Variants in RYR2 observed in about 807,000 individuals in gnomAD.
RYR2 encodes the protein ryanodine receptor 2.
RYR2 carries 227 observed loss-of-function variants against 601.1 expected under a neutral mutation model. The observed-to-expected ratio is 0.38, with a 90% confidence interval of 0.34 to 0.42. The LOEUF is 0.42. Ranked by LOEUF, RYR2 falls within the 10% of genes least tolerant of loss-of-function variation. RYR2 has a pLI of 1.00. For missense variants in RYR2, 4,646 were observed against 6,156.5 expected (o/e 0.75, Z 8.21); for synonymous variants, 2,223 against 2,175.1 (o/e 1.02, Z -0.61).
chr1:237,776,296 A>G (rs958105093), intron 87 of RYR2, among the ~76,000 whole-genome samples: 3 of 152,168 alleles, frequency 2.0e-5, no homozygotes, highest in African/African-American at 7.2e-5. Flanking sequence ...GAAGGAAACT[A>G]TAAAGCTACT....
intron 2 of RYR2, among the ~76,000 whole-genome samples, chr1:237,308,953 A>G (rs1046974074): frequency 2.0e-5 from 3 of 152,226 alleles, no homozygotes; most frequent in Admixed American, 6.5e-5. Context: ...AGAATCCCTG[A>G]GTTAGACACA....
intron 1 of RYR2, among the ~76,000 whole-genome samples, chr1:237,126,733 T>C (rs1049895043): frequency 1.3e-5 from 2 of 152,212 alleles, no homozygotes; most frequent in African/African-American, 4.8e-5. Context: ...AACATGTACC[T>C]GTGTAAAGAC....
At chr1:237,089,466 T>C (rs916689296) in intron 1 of RYR2, among the ~76,000 whole-genome samples, 5 of 152,210 alleles carry the variant, frequency 3.3e-5, no homozygotes, top group African/African-American at 1.2e-4. Context: ...TAAGAAATAG[T>C]GAGTCAGTAA....
At chr1:237,791,348 G>A in intron 92 of RYR2, 81 bp from the exon 93 acceptor site, 1 of 763,854 alleles carries the variant, frequency 1.3e-6, no homozygotes, top group Non-Finnish European at 2.3e-6. Flanking sequence ...TGGGGTAAAT[G>A]AATGAATGCT....
intron 11 of RYR2, among the ~76,000 whole-genome samples, chr1:237,420,421 G>A (rs750353184): frequency 6.6e-5 from 10 of 152,058 alleles, no homozygotes; most frequent in African/African-American, 2.4e-4. Context: ...TCGATAATAC[G>A]TAGGGCACAG....
At chr1:237,381,692 A>T (rs1701534093) in intron 8 of RYR2, among the ~76,000 whole-genome samples, 1 of 152,160 alleles carries the variant, frequency 6.6e-6, no homozygotes, top group Admixed American at 6.6e-5. Flanking sequence ...TGCCTTGTGG[A>T]CAGAAGAGGA....
Position 237,614,920 on chromosome 1 carries a change from C to T in RYR2, c.5715+77C>T, listed in dbSNP as rs1031407085. On this transcript the variant is annotated intron_variant, in intron 37 of 104. Coordinates refer to ENST00000366574, the MANE Select transcript of RYR2 (RefSeq NM_001035.3). This position sits in a 1 kb window ranked among gnomAD's most constrained non-coding sequence, Gnocchi z 4.3. The stretch of plus-strand genomic sequence containing the variant: ...TATTAGAACATGCCTTTGTTTCTTT[C>T]TCTGTGTGTGTGTTTATTTCTTTGC... 2.9e-6 allele frequency: 4 copies of T among 1,375,898 alleles called. No homozygotes were observed. Among genetic ancestry groups the T allele is most frequent in the Non-Finnish European group, 3.9e-6 (4 of 1,022,542 alleles). 85.2% of individuals were successfully genotyped at this position (1,375,898 alleles called of 1,614,324 possible).
At chr1:237,749,885 G>C (rs1474443740) in intron 80 of RYR2, among the ~76,000 whole-genome samples, 1 of 152,052 alleles carries the variant, frequency 6.6e-6, no homozygotes. Flanking sequence ...GTGTATCGTG[G>C]CTGTAATCCC....
chr1:237,443,696 T>A (rs1708103138), intron 13 of RYR2, among the ~76,000 whole-genome samples: 1 of 152,226 alleles, frequency 6.6e-6, no homozygotes, highest in Non-Finnish European at 1.5e-5. Flanking sequence ...AATCTTTGTG[T>A]TTATTAATTT....
chr1:237,232,681 CAGTGAGAAGTAG>C (rs1558468440), intron 1 of RYR2, among the ~76,000 whole-genome samples: 1 of 152,032 alleles, frequency 6.6e-6, no homozygotes, highest in Non-Finnish European at 1.5e-5. Flanking sequence ...GACTGGTTAC[CAGTGAGAAGTAG>C]GGGGCAGTCT....
At chr1:237,044,642 G>GT (rs1660331672) in intron 1 of RYR2, among the ~76,000 whole-genome samples, 1 of 51,260 alleles carries the variant, frequency 2.0e-5, no homozygotes, top group Non-Finnish European at 4.7e-5. Context: ...GGAGCAGGGG[G>GT]ATTTTTTTTT....
intron 27 of RYR2, among the ~76,000 whole-genome samples, chr1:237,564,653 G>A (rs369191486): frequency 1.3e-5 from 2 of 151,992 alleles, no homozygotes; most frequent in African/African-American, 2.4e-5. Context: ...CAACGTTTAC[G>A]ATCCTATTTT....
intron 16 of RYR2, among the ~76,000 whole-genome samples, chr1:237,457,741 C>T (rs1257737931): frequency 1.3e-5 from 2 of 152,150 alleles, no homozygotes; most frequent in Non-Finnish European, 2.9e-5. Flanking sequence ...GAAAAGATTT[C>T]CTGAAACAAA....
chr1:237,148,526 AAATATATAT>A lies in RYR2; in HGVS notation c.48+105959_48+105967del, dbSNP rs1276676219. On this transcript the variant is annotated intron_variant, in intron 1 of 104. Coordinates refer to ENST00000366574, the MANE Select transcript of RYR2 (RefSeq NM_001035.3). The stretch of plus-strand genomic sequence containing the variant: ...CCCAGAACTTCAAGTAAAAAAAAAA[AAATATATAT>A]ATATATATATATATATATACACACA... Among the ~76,000 whole-genome samples, 7 of 79,790 alleles carry A rather than the reference AAATATATAT, an allele frequency of 8.8e-5. 1 individual carries two copies. Among genetic ancestry groups the A allele is most frequent in the South Asian group, 4.9e-4 (1 of 2,036 alleles). 52.3% of individuals were successfully genotyped at this position (79,790 alleles called of 152,430 possible).
chr1:237,805,618 A>G (rs1345680516), intron 98 of RYR2, among the ~76,000 whole-genome samples: 1 of 149,596 alleles, frequency 6.7e-6, no homozygotes, highest in East Asian at 2.0e-4. Context: ...ATAGTGTACG[A>G]AGATGAAGTA....
chr1:237,478,828 A>G (rs1208258229), intron 17 of RYR2, among the ~76,000 whole-genome samples: 1 of 152,172 alleles, frequency 6.6e-6, no homozygotes, highest in Non-Finnish European at 1.5e-5. Flanking sequence ...TGCAAATTTC[A>G]TGCTCTTTCC....
intron 2 of RYR2, among the ~76,000 whole-genome samples, chr1:237,316,532 C>T (rs979732158): frequency 2.0e-5 from 3 of 152,166 alleles, no homozygotes; most frequent in Non-Finnish European, 4.4e-5. Flanking sequence ...TGTTTGCTCT[C>T]GACAGATGTA....
At chr1:237,200,305 C>G (rs1017467054) in intron 1 of RYR2, among the ~76,000 whole-genome samples, 4 of 151,970 alleles carry the variant, frequency 2.6e-5, no homozygotes, top group African/African-American at 9.7e-5. Context: ...ACTCTGTTGC[C>G]CGGGTTGGAG....
chr1:237,119,945 A>G (rs73117620), intron 1 of RYR2, among the ~76,000 whole-genome samples: 1 of 152,110 alleles, frequency 6.6e-6, no homozygotes, highest in South Asian at 2.1e-4. Flanking sequence ...AGGACACAGC[A>G]ATCACCTTTC....
Sources: gnomAD v4.1 joint callset for allele counts (sites outside exome capture counted in the v4.1 genomes callset) on GRCh38, gnomAD v4.1.1 for gene constraint, Gnocchi (gnomAD v3.1) non-coding constraint, MANE v1.5 for transcripts, NCBI Gene and HGNC (gene_info 2026-07-23, HGNC 2026-07-21) for gene names.